The following TRHDE variants were observed in gnomAD, a reference collection of about 807,000 sequenced individuals.
TRHDE encodes thyrotropin releasing hormone degrading enzyme.
TRHDE carries 72 observed loss-of-function variants against 125.7 expected under a neutral mutation model. The observed-to-expected ratio is 0.57, with a 90% confidence interval of 0.47 to 0.70. TRHDE has a LOEUF of 0.70. TRHDE is among the 30% of genes least tolerant of loss of function. TRHDE has a pLI of 0.00. For synonymous variants in TRHDE, 509 were observed against 509.1 expected (o/e 1.00, Z 0.00); for missense variants, 1,110 against 1,327.1 (o/e 0.84, Z 2.54).
In TRHDE at chr12:72,663,052, C is replaced by G; in HGVS notation, c.3067C>G (p.Leu1023Val). ...ACCATTTAAAAATTTCTCTTTCCAG[C>G]TCAAGAACTTCATGAAAAACTATGA... ...FLNTEGELKELKNFMKNYDGV... is the reference protein window; with the variant it reads ...FLNTEGELKEVKNFMKNYDGV... Residue 1023 changes from leucine to valine, a missense_variant and splice_region_variant, in exon 19 of 19, where the codon CTC becomes GTC. Coordinates refer to ENST00000261180, the MANE Select transcript of TRHDE (RefSeq NM_013381.3). The G allele has an allele frequency of 6.2e-7, 1 of 1,608,166 alleles. No individual in the cohort carries two copies. Among genetic ancestry groups the G allele is most frequent in the Non-Finnish European group, 8.5e-7 (1 of 1,177,586 alleles).
chr12:72,126,813 G>A (rs1319432347), intron 2 of TRHDE, among the ~76,000 whole-genome samples: 5 of 152,208 alleles, frequency 3.3e-5, no homozygotes, highest in Admixed American at 2.6e-4. Flanking sequence ...AGCAAGTCCT[G>A]AAAAGCAATT....
intron 2 of TRHDE, among the ~76,000 whole-genome samples, chr12:72,106,387 A>G (rs1410654854): frequency 1.3e-5 from 2 of 152,152 alleles, no homozygotes; most frequent in Admixed American, 1.3e-4. Context: ...AGGTAAATAA[A>G]CAAAAGTGAA....
At chr12:72,119,580 A>G (rs559524029) in intron 2 of TRHDE, among the ~76,000 whole-genome samples, 10 of 152,310 alleles carry the variant, frequency 6.6e-5, no homozygotes, top group South Asian at 2.1e-4. Flanking sequence ...ATTAAGTCCA[A>G]CGTTTCTTCA....
intron 6 of TRHDE, among the ~76,000 whole-genome samples, chr12:72,536,710 T>C (rs1868878412): frequency 6.6e-6 from 1 of 152,084 alleles, no homozygotes; most frequent in African/African-American, 2.4e-5. Flanking sequence ...TATTTTCAAT[T>C]TTGCTAGCCT....
Position 72,665,971 on chromosome 12 carries a change from A to G in TRHDE, c.*2776A>G, listed in dbSNP as rs528350933. The G allele has an allele frequency of 3.4e-4, 51 of 152,136 alleles. No individual in the cohort carries two copies. The highest frequency in any genetic ancestry group is 1.2e-3 in the African/African-American group (50 of 41,544). 9.4% of individuals were successfully genotyped at this position (152,136 alleles called of 1,614,324 possible). A position where few individuals can be genotyped will look rare whatever the true frequency, so the allele number is the denominator to read the frequency against. On this transcript the variant is annotated 3_prime_UTR_variant, in exon 19 of 19. Coordinates refer to ENST00000261180, the MANE Select transcript of TRHDE (RefSeq NM_013381.3). The stretch of plus-strand genomic sequence containing the variant: ...CTATTCTTGAGTTTCAATAACATGT[A>G]TTTTAGTTGGGTCATAAACTTGCAT...
At chr12:72,321,854 T>C (rs1398027374) in intron 2 of TRHDE, among the ~76,000 whole-genome samples, 4 of 151,916 alleles carry the variant, frequency 2.6e-5, no homozygotes, top group Non-Finnish European at 5.9e-5. Context: ...TTGTGGATAA[T>C]ACACATATAT....
intron 2 of TRHDE, among the ~76,000 whole-genome samples, chr12:72,150,137 G>A (rs1013021184): frequency 6.6e-6 from 1 of 152,132 alleles, no homozygotes; most frequent in Non-Finnish European, 1.5e-5. Flanking sequence ...GAAGGGAAGT[G>A]GAACAAATAA....
intron 2 of TRHDE, chr12:72,263,570 C>T (rs1000238280): frequency 6.6e-6 from 1 of 152,024 alleles, no homozygotes; most frequent in Non-Finnish European, 1.5e-5. Context: ...GGATATATGT[C>T]AGAATGTCAT....
chr12:72,510,145 T>C (rs1216044079), intron 6 of TRHDE, among the ~76,000 whole-genome samples: 7 of 152,160 alleles, frequency 4.6e-5, no homozygotes, highest in Non-Finnish European at 7.3e-5. Context: ...ATTAGCCTCC[T>C]GTTCTGCAAG....
intron 1 of TRHDE, among the ~76,000 whole-genome samples, chr12:72,095,400 TA>T (rs1566210447): frequency 6.6e-6 from 1 of 152,178 alleles, no homozygotes; most frequent in Admixed American, 6.5e-5. Context: ...TTGGTGGTCC[TA>T]GATGAGAAAG....
chr12:72,539,140 C>T (rs550980062), intron 6 of TRHDE, among the ~76,000 whole-genome samples: 2 of 151,990 alleles, frequency 1.3e-5, no homozygotes, highest in South Asian at 4.1e-4. Flanking sequence ...CTTCTTTAGA[C>T]CCTCGTTATC....
At chr12:72,315,918 T>C (rs1468662369) in intron 2 of TRHDE, among the ~76,000 whole-genome samples, 2 of 152,188 alleles carry the variant, frequency 1.3e-5, no homozygotes, top group African/African-American at 4.8e-5. Context: ...AATGATTTTT[T>C]CCCCCTTTTT....
At chr12:72,108,869 G>T (rs1394683825) in intron 2 of TRHDE, among the ~76,000 whole-genome samples, 1 of 151,998 alleles carries the variant, frequency 6.6e-6, no homozygotes, top group Non-Finnish European at 1.5e-5. Context: ...AGAATCAGAA[G>T]AAAATCACAG....
chr12:72,215,765 G>A (rs1378184141), intron 2 of TRHDE, among the ~76,000 whole-genome samples: 1 of 152,168 alleles, frequency 6.6e-6, no homozygotes, highest in Non-Finnish European at 1.5e-5. Flanking sequence ...TCACTGGATG[G>A]CGGCAGTGAC....
chr12:72,473,026 G>T (rs1470282500), intron 4 of TRHDE, 41 bp from the exon 5 acceptor site: 5 of 1,427,460 alleles, frequency 3.5e-6, no homozygotes, highest in African/African-American at 1.4e-5. Flanking sequence ...TTTGGGGATA[G>T]ATTTTATTTT....
At chr12:72,160,645 C>T (rs184712155) in intron 2 of TRHDE, among the ~76,000 whole-genome samples, 32 of 152,088 alleles carry the variant, frequency 2.1e-4, no homozygotes, top group Admixed American at 1.0e-3. Context: ...GCCGAGACTG[C>T]GCCACTGCAC....
At chr12:72,271,584 C>G (rs926556013), upstream of TRHDE, among the ~76,000 whole-genome samples, 1 of 152,170 alleles carries the variant, frequency 6.6e-6, no homozygotes, top group Non-Finnish European at 1.5e-5. Context: ...GTGCCTGCCT[C>G]TGCCGCTCAG....
chr12:72,219,362 A>C (rs1274556542), intron 2 of TRHDE, among the ~76,000 whole-genome samples: 1 of 152,160 alleles, frequency 6.6e-6, no homozygotes, highest in Non-Finnish European at 1.5e-5. Context: ...ACTGTCTTGC[A>C]ATAAATAAGA....
At chr12:72,289,601 C>G (rs1445367912) in intron 2 of TRHDE, among the ~76,000 whole-genome samples, 1 of 152,186 alleles carries the variant, frequency 6.6e-6, no homozygotes, top group South Asian at 2.1e-4. Context: ...AGGTTACACT[C>G]CTATTTGGTA....
Sources: allele counts gnomAD v4.1 joint callset (sites outside exome capture counted in the v4.1 genomes callset), GRCh38; gene constraint gnomAD v4.1.1; transcripts MANE v1.5; gene names NCBI Gene and HGNC (gene_info 2026-07-23, HGNC 2026-07-21).